The following CRYL1 variants were observed in gnomAD, a reference collection of about 807,000 sequenced individuals.
The protein encoded by CRYL1 is crystallin lambda 1.
In CRYL1, 29 loss-of-function variants were observed where a neutral mutation model predicts 36.6. That is an observed-to-expected ratio of 0.79 (90% CI 0.59 to 1.08). The LOEUF (loss-of-function observed/expected upper bound fraction) is 1.08, where lower values mean the gene tolerates loss of function less well. Among genes scored for constraint, CRYL1 ranks in the 50% least tolerant of loss-of-function variants. The pLI is 0.00. For missense variants in CRYL1, 411 were observed against 407.9 expected (o/e 1.01, Z -0.06); for synonymous variants, 152 against 151.5 (o/e 1.00, Z -0.02).
In CRYL1 at chr13:20,521,802, T is replaced by A. The variant is rs74756399; in HGVS notation, c.41+3952A>T. The stretch of plus-strand genomic sequence containing the variant: ...CTTTAGATACATTTGAAAGTATCTT[T>A]CCAGCTACAGTTACTTATTTACTGG... On this transcript the variant is annotated intron_variant, in intron 1 of 7. Coordinates refer to ENST00000298248, the MANE Select transcript of CRYL1 (RefSeq NM_015974.3). Among the ~76,000 whole-genome samples, 22 of 152,370 alleles carry A rather than the reference T, an allele frequency of 1.4e-4. No individual in the cohort carries two copies. The East Asian group carries it at 2.3e-3, about 16-fold the overall frequency.
chr13:20,496,208 C>A (rs2033602241), intron 2 of CRYL1, among the ~76,000 whole-genome samples: 2 of 152,162 alleles, frequency 1.3e-5, no homozygotes, highest in Non-Finnish European at 2.9e-5. Context: ...CAGTCAAACT[C>A]ACAGTGACAG....
chr13:20,460,701 A>AT (rs1311464789), intron 3 of CRYL1, among the ~76,000 whole-genome samples: 1 of 151,550 alleles, frequency 6.6e-6, no homozygotes, highest in Admixed American at 6.6e-5. Flanking sequence ...AATTTTTTGT[A>AT]TTTTTAGTAG....
intron 2 of CRYL1, among the ~76,000 whole-genome samples, chr13:20,490,217 C>T (rs1027407516): frequency 6.6e-6 from 1 of 152,128 alleles, no homozygotes; most frequent in Non-Finnish European, 1.5e-5. Flanking sequence ...ATGGTGAAAC[C>T]TCATCTCTAC....
At chr13:20,416,712 A>G (rs1442924580) in intron 5 of CRYL1, among the ~76,000 whole-genome samples, 1 of 152,206 alleles carries the variant, frequency 6.6e-6, no homozygotes, top group East Asian at 1.9e-4. Flanking sequence ...TTTAGAGCTG[A>G]TTTTTAAAAA....
rs751973920 is a variant in CRYL1 at position 20,404,730 on chromosome 13, A to G, written c.751T>C (p.Tyr251His). 6.2e-7 allele frequency: 1 copy of G among 1,608,372 alleles called. No individual in the cohort carries two copies. Among genetic ancestry groups the G allele is most frequent in the Admixed American group, 1.7e-5 (1 of 59,952 alleles). Residue 251 changes from tyrosine to histidine, a missense_variant, in exon 7 of 8, where the codon TAC becomes CAC. Transcript: ENST00000298248. Reference sequence around the variant, plus strand: ...ATGCCTTCGCTGTATCTGTCGCAGTAGCTTAACATACCTGGAATTGTATGA... The same window carrying G: ...ATGCCTTCGCTGTATCTGTCGCAGTGGCTTAACATACCTGGAATTGTATGA... Reference protein sequence around the residue: ...MHLNAEGMLSYCDRYSEGIKH... With the variant: ...MHLNAEGMLSHCDRYSEGIKH...
At chr13:20,411,216 T>G (rs2031514892) in intron 6 of CRYL1, among the ~76,000 whole-genome samples, 1 of 152,228 alleles carries the variant, frequency 6.6e-6, no homozygotes, top group African/African-American at 2.4e-5. Flanking sequence ...AGCCAGATCT[T>G]ATAACTCTCC....
intron 2 of CRYL1, among the ~76,000 whole-genome samples, chr13:20,502,966 T>C (rs996780292): frequency 2.6e-5 from 4 of 152,142 alleles, no homozygotes; most frequent in African/African-American, 7.2e-5. Context: ...TTGGTCTAGA[T>C]GCACAGCACA....
chr13:20,512,437 GC>G lies in CRYL1; in HGVS notation c.149+5del. On this transcript the variant is annotated splice_donor_5th_base_variant and intron_variant, in intron 2 of 7. Coordinates refer to ENST00000298248, the MANE Select transcript of CRYL1 (RefSeq NM_015974.3). ...CATTCCTTCTGGAGAGCGCCGGCTGGCCCACCTGATGTTTTCCAGGGCGTTC... is the reference window on the plus strand; with the variant it reads ...CATTCCTTCTGGAGAGCGCCGGCTGGCCACCTGATGTTTTCCAGGGCGTTC... 6.2e-7 allele frequency: 1 copy of G among 1,605,622 alleles called. No individual in the cohort carries two copies. The highest frequency in any genetic ancestry group is 8.5e-7 in the Non-Finnish European group (1 of 1,172,794).
In CRYL1 at chr13:20,404,728, G is replaced by A. The variant is rs746828889; in HGVS notation, c.753C>T (p.Tyr251=). 20 of 1,610,664 alleles carry A rather than the reference G, an allele frequency of 1.2e-5. No individual in the cohort carries two copies. In the South Asian group the frequency reaches 2.0e-4, roughly 16 times the overall value. The change falls in exon 7 of 8, where the codon TAC becomes TAT. Residue 251 remains tyrosine, a synonymous_variant. Coordinates refer to ENST00000298248, the MANE Select transcript of CRYL1 (RefSeq NM_015974.3). ...MHLNAEGMLS[Y]CDRYSEGIKH... ...TTATGCCTTCGCTGTATCTGTCGCA[G>A]TAGCTTAACATACCTGGAATTGTAT...
intron 3 of CRYL1, among the ~76,000 whole-genome samples, chr13:20,465,389 A>G (rs2032911832): frequency 6.6e-6 from 1 of 152,208 alleles, no homozygotes; most frequent in African/African-American, 2.4e-5. Context: ...ACAAACTTTA[A>G]GCAATGAACC....
chr13:20,518,718 G>C (rs1402312309), intron 1 of CRYL1, among the ~76,000 whole-genome samples: 1 of 152,210 alleles, frequency 6.6e-6, no homozygotes, highest in Non-Finnish European at 1.5e-5. Flanking sequence ...GGTGTCAGGA[G>C]GCTGGTGCCC....
chr13:20,484,423 A>G (rs752232418), intron 3 of CRYL1, among the ~76,000 whole-genome samples: 4 of 152,174 alleles, frequency 2.6e-5, no homozygotes, highest in Non-Finnish European at 4.4e-5. Context: ...GACTATCACA[A>G]TTTTTTAAGT....
intron 3 of CRYL1, among the ~76,000 whole-genome samples, chr13:20,488,524 G>A (rs963601972): frequency 7.2e-5 from 11 of 152,162 alleles, no homozygotes; most frequent in African/African-American, 1.7e-4. Flanking sequence ...TATTTGACCC[G>A]AATCTTAGAG....
chr13:20,479,247 T>C (rs1315203854), intron 3 of CRYL1, among the ~76,000 whole-genome samples: 1 of 152,236 alleles, frequency 6.6e-6, no homozygotes, highest in Non-Finnish European at 1.5e-5. Context: ...TAATAATCAC[T>C]TTAAAGATCA....
intron 5 of CRYL1, 40 bp downstream of exon 5, chr13:20,432,062 G>C (rs1270906152): frequency 6.2e-7 from 1 of 1,613,764 alleles, no homozygotes; most frequent in Admixed American, 1.7e-5. Flanking sequence ...GAAGGAGGGA[G>C]AAAGGAAGGG....
intron 5 of CRYL1, chr13:20,427,202 G>A: frequency 2.0e-6 from 2 of 985,514 alleles, no homozygotes; most frequent in Middle Eastern, 5.2e-4. Flanking sequence ...GACCCAGGGA[G>A]CACGCCTCCG....
intron 3 of CRYL1, among the ~76,000 whole-genome samples, chr13:20,470,826 C>T (rs540211846): frequency 6.7e-6 from 1 of 149,382 alleles, no homozygotes; most frequent in African/African-American, 2.5e-5. Flanking sequence ...AGGAGAATCG[C>T]TTGAACCCAG....
At chr13:20,477,145 A>G (rs2033183298) in intron 3 of CRYL1, among the ~76,000 whole-genome samples, 1 of 152,146 alleles carries the variant, frequency 6.6e-6, no homozygotes, top group Non-Finnish European at 1.5e-5. Flanking sequence ...TGGGCGACAG[A>G]GCGGGACTCC....
chr13:20,468,574 A>G (rs1044475935), intron 3 of CRYL1, among the ~76,000 whole-genome samples: 1 of 152,154 alleles, frequency 6.6e-6, no homozygotes, highest in Non-Finnish European at 1.5e-5. Flanking sequence ...TTCTAGAGAC[A>G]CTGATATCAC....
Sources: allele counts gnomAD v4.1 joint callset (sites outside exome capture counted in the v4.1 genomes callset), GRCh38; gene constraint gnomAD v4.1.1; transcripts MANE v1.5; gene names NCBI Gene and HGNC (gene_info 2026-07-23, HGNC 2026-07-21).